FREM2: variants seen among roughly 807,000 people sequenced by gnomAD.
The protein encoded by FREM2 is FRAS1 related extracellular matrix 2, also known as FRAS1-related extracellular matrix protein 2.
A neutral mutation model predicts 219.9 loss-of-function variants in FREM2; 119 were observed. The observed-to-expected ratio is 0.54, with a 90% CI of 0.47 to 0.63. The LOEUF (loss-of-function observed/expected upper bound fraction) is 0.63. Ranked by LOEUF, FREM2 falls within the 30% of genes least tolerant of loss-of-function variation. The pLI is 0.00. For missense variants in FREM2, 4,030 were observed against 3,993.6 expected, an observed-to-expected ratio of 1.01 and a Z score of -0.25; for synonymous variants, 1,562 against 1,522.8, an observed-to-expected ratio of 1.03 and a Z score of -0.60.
chr13:38,704,812 A>G (rs975147843), intron 2 of FREM2, among the ~76,000 whole-genome samples: 70 of 152,216 alleles, frequency 4.6e-4, no homozygotes, highest in African/African-American at 1.5e-3. Flanking sequence ...CAATCACAGC[A>G]GAAAATGAAA....
At chr13:38,744,422 G>A (rs1327701207) in intron 2 of FREM2, among the ~76,000 whole-genome samples, 1 of 151,350 alleles carries the variant, frequency 6.6e-6, no homozygotes, top group Admixed American at 6.6e-5. Context: ...CAGGCTGATT[G>A]CAAATCTTAG....
intron 6 of FREM2, among the ~76,000 whole-genome samples, chr13:38,827,078 G>A (rs1876317743): frequency 1.3e-5 from 2 of 151,946 alleles, no homozygotes; most frequent in Admixed American, 6.6e-5. Context: ...ATGTTTACAT[G>A]TCCAGACTCT....
Position 38,874,475 on chromosome 13 carries a change from A to G in FREM2, c.8177-7A>G, listed in dbSNP as rs766398719. On this transcript the variant is annotated splice_region_variant and splice_polypyrimidine_tract_variant and intron_variant, in intron 17 of 23. Transcript: ENST00000280481. ...TATTTTCATTCTTGGTACTCTCCCC[A>G]TTATAGGTTCTCTCTATCCAACCAG... The G allele has an allele frequency of 1.4e-5, 23 of 1,611,126 alleles. No homozygotes were observed. The highest frequency in any genetic ancestry group is 1.7e-5 in the Admixed American group (1 of 59,988).
intron 16 of FREM2, 171 bp downstream of exon 16, chr13:38,864,777 T>G (rs1877899213): frequency 1.3e-5 from 9 of 676,538 alleles, no homozygotes; most frequent in Non-Finnish European, 2.1e-5. Flanking sequence ...CCGTGTCTAT[T>G]TCTTAACAAT....
chr13:38,729,373 G>A (rs904047506), intron 2 of FREM2, among the ~76,000 whole-genome samples: 1 of 152,090 alleles, frequency 6.6e-6, no homozygotes, highest in African/African-American at 2.4e-5. Context: ...TTCTTGAGAT[G>A]TAATGCCACA....
chr13:38,877,298 T>G (rs1004408499), intron 21 of FREM2, 55 bp downstream of exon 21: 4 of 1,600,592 alleles, frequency 2.5e-6, no homozygotes, highest in Non-Finnish European at 3.4e-6. Context: ...TCTTTTGTGC[T>G]TTGCTTTTTG....
Position 38,689,468 on chromosome 13 carries a change from C to G in FREM2, c.2124C>G (p.Pro708=), listed in dbSNP as rs372896205. ...RLPPELGSGC[P]LRMVVQESQL... is the part of the protein sequence containing the mutation. ...CTCCGGAGCTGGGCAGTGGCTGTCCCCTTCGTATGGTGGTACAGGAATCCC... is the reference window on the plus strand; with the variant it reads ...CTCCGGAGCTGGGCAGTGGCTGTCCGCTTCGTATGGTGGTACAGGAATCCC... The change falls in exon 1 of 24, where the codon CCC becomes CCG. Residue 708 remains proline (P), a synonymous_variant. Transcript: ENST00000280481. 8.4e-5 allele frequency: 135 copies of G among 1,614,048 alleles called. No homozygotes were observed. In the South Asian group the frequency reaches 1.3e-3, roughly 16 times the overall value.
At chr13:38,794,484 A>G (rs1029241308) in intron 6 of FREM2, among the ~76,000 whole-genome samples, 6 of 152,198 alleles carry the variant, frequency 3.9e-5, no homozygotes, top group Non-Finnish European at 8.8e-5. Flanking sequence ...ATATTTCACC[A>G]ATTTTTGAAA....
intron 2 of FREM2, among the ~76,000 whole-genome samples, chr13:38,750,435 A>G (rs1265072193): frequency 2.2e-5 from 3 of 136,006 alleles, no homozygotes; most frequent in Non-Finnish European, 3.1e-5. Context: ...AGTACCAACC[A>G]TATTGCTGCA....
Position 38,828,084 on chromosome 13 carries a change from T to C in FREM2, c.6020-18489T>C, listed in dbSNP as rs1876363122. Among the ~76,000 whole-genome samples, 4 of 152,182 alleles carry C rather than the reference T, an allele frequency of 2.6e-5. No homozygotes were observed. The South Asian group carries it at 6.2e-4, about 24-fold the overall frequency. ...TTGATGCATCTTTCCATACATCCAA[T>C]AACATGCACACATTTTTGTTTCATT... On this transcript the variant is annotated intron_variant, in intron 6 of 23. Coordinates refer to ENST00000280481, the MANE Select transcript of FREM2 (RefSeq NM_207361.6).
rs1010118646 is a variant in FREM2, at chr13:38,769,561, A to G, written c.5411-17A>G. ...GCGAAAATGAAACTAAGAAAATGATATTATGTTTTTGTGAAGGTATTGGCA... is the reference window on the plus strand; with the variant it reads ...GCGAAAATGAAACTAAGAAAATGATGTTATGTTTTTGTGAAGGTATTGGCA... On this transcript the variant is annotated splice_polypyrimidine_tract_variant and intron_variant, in intron 3 of 23. Transcript: ENST00000280481. The G allele has an allele frequency of 2.5e-6, 4 of 1,584,122 alleles. No individual in the cohort carries two copies. Among genetic ancestry groups the G allele is most frequent in the Admixed American group, 1.7e-5 (1 of 59,702 alleles).
chr13:38,687,909 G>A lies in FREM2; in HGVS notation c.565G>A (p.Val189Ile), dbSNP rs765737456. The change falls in exon 1 of 24, where the codon GTC becomes ATC. Residue 189 changes from valine to isoleucine, a missense_variant. Transcript: ENST00000280481. ...GGTTGTGACTCGGAACTTGCCTCTG[G>A]TCGTGGAAGAGCTGCTGGGGACCAG... ...LEVVTRNLPL[V>I]VEELLGTSNA... 89 of 1,593,914 alleles carry A rather than the reference G, an allele frequency of 5.6e-5. No individual in the cohort carries two copies. The highest frequency in any genetic ancestry group is 1.0e-4 in the Admixed American group (6 of 57,342).
chr13:38,807,990 T>C (rs766065739), intron 6 of FREM2, among the ~76,000 whole-genome samples: 2 of 152,080 alleles, frequency 1.3e-5, no homozygotes, highest in African/African-American at 2.4e-5. Flanking sequence ...GGCTGTTTTT[T>C]CTCCAATGAA....
intron 15 of FREM2, 152 bp downstream of exon 15, chr13:38,861,714 C>A: frequency 1.2e-6 from 1 of 840,622 alleles, no homozygotes. Context: ...ACTGTTTTAG[C>A]TTTGTTCTAC....
At chr13:38,783,314 A>G in intron 5 of FREM2, 119 bp downstream of exon 5, 1 of 1,077,104 alleles carries the variant, frequency 9.3e-7, no homozygotes, top group Non-Finnish European at 1.4e-6. Context: ...TTCCATAGAT[A>G]CAGAAAAGGA....
intron 6 of FREM2, among the ~76,000 whole-genome samples, chr13:38,836,509 A>G (rs1876713612): frequency 6.6e-6 from 1 of 152,146 alleles, no homozygotes; most frequent in South Asian, 2.1e-4. Flanking sequence ...GAATAGTTTC[A>G]GAAGGAATGG....
In FREM2 at chr13:38,864,449, C is replaced by G. The variant is rs749163478; in HGVS notation, c.7826C>G (p.Thr2609Arg). Reference protein sequence around the residue: ...ATKNPEIIGETYPYQYSLSIR... With the variant: ...ATKNPEIIGERYPYQYSLSIR... Reference sequence around the variant, plus strand: ...AAAAATCCAGAAATAATTGGAGAGACATATCCTTACCAGTACAGCTTGTCC... The same window carrying G: ...AAAAATCCAGAAATAATTGGAGAGAGATATCCTTACCAGTACAGCTTGTCC... The change falls in exon 16 of 24, where the codon ACA becomes AGA. Residue 2609 changes from threonine to arginine, a missense_variant. Coordinates refer to ENST00000280481, the MANE Select transcript of FREM2 (RefSeq NM_207361.6). 1 of 1,614,178 alleles carries G rather than the reference C, an allele frequency of 6.2e-7. No homozygotes were observed. Among genetic ancestry groups the G allele is most frequent in the South Asian group, 1.1e-5 (1 of 91,080 alleles).
intron 14 of FREM2, 115 bp downstream of exon 14, chr13:38,859,705 G>T: frequency 9.6e-7 from 1 of 1,045,736 alleles, no homozygotes. Flanking sequence ...TATTTTGTAA[G>T]TAGTGAAAAA....
intron 11 of FREM2, among the ~76,000 whole-genome samples, chr13:38,854,734 G>T (rs1877492586): frequency 1.3e-5 from 2 of 151,724 alleles, no homozygotes; most frequent in African/African-American, 4.8e-5. Context: ...TAGAGACAGA[G>T]AACTAATTTT....
Sources: gnomAD v4.1 joint callset for allele counts (sites outside exome capture counted in the v4.1 genomes callset) on GRCh38, gnomAD v4.1.1 for gene constraint, MANE v1.5 for transcripts, NCBI Gene and HGNC (gene_info 2026-07-23, HGNC 2026-07-21) for gene names.